Variants in SHROOM2 observed in about 807,000 individuals in gnomAD.
SHROOM2 encodes protein Shroom2.
In SHROOM2, 33 loss-of-function variants were observed where a neutral mutation model predicts 75.9. The observed-to-expected ratio is 0.43, with a 90% CI of 0.33 to 0.58. The LOEUF (loss-of-function observed/expected upper bound fraction) is 0.58, where lower values mean the gene tolerates loss of function less well. SHROOM2 is among the 20% of genes least tolerant of loss of function. SHROOM2 has a pLI of 0.04. For synonymous variants in SHROOM2, 655 were observed against 663.6 expected (o/e 0.99, Z 0.20); for missense variants, 1,434 against 1,461.2 (o/e 0.98, Z 0.30).
chrX:9,820,373 C>G (rs1017666323), intron 1 of SHROOM2, among the ~76,000 whole-genome samples: 2 of 108,602 alleles, frequency 1.8e-5, no homozygotes, highest in Non-Finnish European at 1.9e-5. Context: ...ATTCCTCCCC[C>G]ACCCTTTTTT....
At chrX:9,883,990 C>T (rs185179871) in intron 2 of SHROOM2, among the ~76,000 whole-genome samples, 12 of 111,679 alleles carry the variant, frequency 1.1e-4, no homozygotes, top group Admixed American at 8.5e-4. Flanking sequence ...GCAGACTCTT[C>T]TTTCAAAACC....
intron 8 of SHROOM2, among the ~76,000 whole-genome samples, chrX:9,941,908 T>A (rs1158952277): frequency 9.6e-6 from 1 of 104,467 alleles, no homozygotes; most frequent in Non-Finnish European, 2.0e-5. Context: ...GAGGCGGAGC[T>A]TGCAGTGAGC....
At chrX:9,919,601 A>T (rs1167422367) in intron 5 of SHROOM2, among the ~76,000 whole-genome samples, 1 of 109,868 alleles carries the variant, frequency 9.1e-6, no homozygotes, top group African/African-American at 3.3e-5. Flanking sequence ...AACTGCTGGG[A>T]TTACAGGCGT....
chrX:9,932,166 T>C lies in SHROOM2; in HGVS notation c.2892-9T>C, dbSNP rs1439049298. 2 of 1,121,985 alleles carry C rather than the reference T, an allele frequency of 1.8e-6. No individual in the cohort carries two copies. The highest frequency in any genetic ancestry group is 2.3e-6 in the Non-Finnish European group (2 of 851,398). The allele number at this position is 1,121,985 out of a possible 1,213,427, so 92.5% of individuals were successfully genotyped here. A position where few individuals can be genotyped will look rare whatever the true frequency, so the allele number is the denominator to read the frequency against. ...ATCGTTGATTAATTTGTACTTGTTC[T>C]TCCTCTAGACAAGCAGATGCCCAGT... On this transcript the variant is annotated splice_polypyrimidine_tract_variant and intron_variant, in intron 5 of 9. Transcript: ENST00000380913.
chrX:9,929,162 C>G (rs1208784355), intron 5 of SHROOM2, among the ~76,000 whole-genome samples: 1 of 112,342 alleles, frequency 8.9e-6, no homozygotes, highest in Non-Finnish European at 1.9e-5. Flanking sequence ...CAGCAAGTCC[C>G]CAATCCCCAT....
intron 1 of SHROOM2, among the ~76,000 whole-genome samples, chrX:9,817,059 A>G (rs768928954): frequency 6.1e-4 from 67 of 110,390 alleles, no homozygotes; most frequent in Non-Finnish European, 8.3e-4. Flanking sequence ...GCAGCCTTCA[A>G]TTCCTGGGCT....
intron 7 of SHROOM2, among the ~76,000 whole-genome samples, chrX:9,938,408 C>A (rs998155287): frequency 6.4e-5 from 7 of 110,129 alleles, no homozygotes; most frequent in Non-Finnish European, 1.1e-4. Flanking sequence ...AAAAAATTAG[C>A]CAGGCGTGGT....
chrX:9,896,544 C>T lies in SHROOM2; in HGVS notation c.2636C>T (p.Ser879Phe). The T allele has an allele frequency of 8.3e-7, 1 of 1,211,180 alleles. No homozygotes were observed. The highest frequency in any genetic ancestry group is 1.1e-6 in the Non-Finnish European group (1 of 895,281). ...GGCACCTTTGCAGAGTATCAGGCCTCTTGGAAGGAACAGAGGAAACCTCTG... is the reference window on the plus strand; with the variant it reads ...GGCACCTTTGCAGAGTATCAGGCCTTTTGGAAGGAACAGAGGAAACCTCTG... ...RLGTFAEYQA[S>F]WKEQRKPLEA... is the part of the protein sequence containing the mutation. The change falls in exon 4 of 10, where the codon TCT becomes TTT. Residue 879 changes from serine (S) to phenylalanine (F), a missense_variant. Physicochemically the swap from Ser to Phe is radical, Grantham distance 155. Coordinates refer to ENST00000380913, the MANE Select transcript of SHROOM2 (RefSeq NM_001649.4).
intron 1 of SHROOM2, among the ~76,000 whole-genome samples, chrX:9,802,530 C>T (rs2083728956): frequency 1.8e-5 from 2 of 111,398 alleles, no homozygotes; most frequent in Admixed American, 1.9e-4. Context: ...GTGGCCCTAA[C>T]TGTCCATCCC....
Position 9,932,362 on chromosome X carries a change from C to T in SHROOM2, c.3079C>T (p.Pro1027Ser), listed in dbSNP as rs746309062. 4.1e-6 allele frequency: 5 copies of T among 1,210,302 alleles called. No homozygotes were observed. In the Admixed American group the frequency reaches 1.1e-4, roughly 26 times the overall value. ...TTATAGATACTCGGAGGAGAGCACC[C>T]CAGCAGACTTGGGACCCCGAGCCCA... ...RDYRYSEEST[P>S]ADLGPRAQSP... Residue 1027 changes from proline (P) to serine (S), a missense_variant, in exon 6 of 10, where the codon CCA becomes TCA. Coordinates refer to ENST00000380913, the MANE Select transcript of SHROOM2 (RefSeq NM_001649.4).
intron 1 of SHROOM2, among the ~76,000 whole-genome samples, chrX:9,807,472 T>A (rs1569137398): frequency 9.0e-6 from 1 of 111,669 alleles, no homozygotes; most frequent in African/African-American, 3.3e-5. Context: ...AGGCTTCAGG[T>A]GTTTCTAAGG....
At chrX:9,801,859 G>A (rs924532994) in intron 1 of SHROOM2, among the ~76,000 whole-genome samples, 5 of 110,900 alleles carry the variant, frequency 4.5e-5, no homozygotes, top group African/African-American at 9.8e-5. Flanking sequence ...GAGAGGCTGA[G>A]GTGGGAGGAT....
At chrX:9,941,725 A>T (rs1020517856) in intron 8 of SHROOM2, among the ~76,000 whole-genome samples, 5 of 110,289 alleles carry the variant, frequency 4.5e-5, no homozygotes, top group Admixed American at 9.7e-5. Flanking sequence ...TAATCCCAGC[A>T]CTTTCGGAGG....
Position 9,786,716 on chromosome X carries a change from G to A in SHROOM2, c.165+6G>A. The stretch of plus-strand genomic sequence containing the variant: ...AGCCGCTGGTCATCACCAAGGTAAG[G>A]CGGCCGCGGGGCGCGGGCGCTGACA... On this transcript the variant is annotated splice_donor_region_variant and intron_variant, in intron 1 of 9. Coordinates refer to ENST00000380913, the MANE Select transcript of SHROOM2 (RefSeq NM_001649.4). The A allele has an allele frequency of 1.1e-6, 1 of 883,468 alleles. No individual in the cohort carries two copies. The highest frequency in any genetic ancestry group is 2.1e-5 in the African/African-American group (1 of 47,301). The allele number at this position is 883,468 out of a possible 1,213,427, so 72.8% of individuals were successfully genotyped here.
chrX:9,806,508 G>GTA lies in SHROOM2; in HGVS notation c.165+19812_165+19813dup, dbSNP rs60887374. Among the ~76,000 whole-genome samples, 886 of 102,280 alleles carry GTA rather than the reference G, an allele frequency of 8.7e-3. 6 individuals carry two copies. The highest frequency in any genetic ancestry group is 0.023 in the African/African-American group (617 of 27,279). 88.8% of individuals were successfully genotyped at this position (102,280 alleles called of 115,157 possible). ...TATATATGTGTATATATATGTGTGT[G>GTA]TATATATATATATATCTGTCTCCTT... On this transcript the variant is annotated intron_variant, in intron 1 of 9. Transcript: ENST00000380913.
chrX:9,947,844 A>G lies in SHROOM2; in HGVS notation c.*907A>G, dbSNP rs965428098. ...GCTACTTTTCCATTGTTTCCTCCTTAAATCGTTTAGCATGGCATGAGGGCC... is the reference window on the plus strand; with the variant it reads ...GCTACTTTTCCATTGTTTCCTCCTTGAATCGTTTAGCATGGCATGAGGGCC... On this transcript the variant is annotated 3_prime_UTR_variant, in exon 10 of 10. Coordinates refer to ENST00000380913, the MANE Select transcript of SHROOM2 (RefSeq NM_001649.4). 2 of 112,070 alleles carry G rather than the reference A, an allele frequency of 1.8e-5. No individual in the cohort carries two copies. Among genetic ancestry groups the G allele is most frequent in the Admixed American group, 9.5e-5 (1 of 10,545 alleles). The allele number at this position is 112,070 out of a possible 1,213,427, so 9.2% of individuals were successfully genotyped here. A position where few individuals can be genotyped will look rare whatever the true frequency, so the allele number is the denominator to read the frequency against.
intron 1 of SHROOM2, among the ~76,000 whole-genome samples, chrX:9,863,711 C>T (rs2084117517): frequency 9.1e-6 from 1 of 109,860 alleles, no homozygotes; most frequent in Admixed American, 9.7e-5. Flanking sequence ...CACACTGCAG[C>T]CTCCAACTCC....
chrX:9,868,241 TTTTA>T (rs747986271), intron 1 of SHROOM2, among the ~76,000 whole-genome samples: 6 of 82,923 alleles, frequency 7.2e-5, no homozygotes, highest in Middle Eastern at 6.6e-3. Context: ...TTTATTTTTA[TTTTA>T]TTTATTTATT....
intron 1 of SHROOM2, among the ~76,000 whole-genome samples, chrX:9,800,631 A>G (rs1039592502): frequency 9.1e-6 from 1 of 109,369 alleles, no homozygotes; most frequent in African/African-American, 3.3e-5. Flanking sequence ...ATGAGCCACC[A>G]TGTCTGTCCA....
Sources: gnomAD v4.1 joint callset for allele counts (sites outside exome capture counted in the v4.1 genomes callset) on GRCh38, gnomAD v4.1.1 for gene constraint, MANE v1.5 for transcripts, NCBI Gene and HGNC (gene_info 2026-07-23, HGNC 2026-07-21) for gene names.